CDK12: variants seen among roughly 807,000 people sequenced by gnomAD.
CDK12 encodes the protein cyclin-dependent kinase 12.
In CDK12, 17 loss-of-function variants were observed where a neutral mutation model predicts 133.8. The observed-to-expected ratio is 0.13, with a 90% confidence interval of 0.09 to 0.19. The LOEUF (loss-of-function observed/expected upper bound fraction) is 0.19, where lower values mean the gene tolerates loss of function less well. Ranked by LOEUF, CDK12 falls within the 10% of genes least tolerant of loss-of-function variation. The pLI, the probability that CDK12 is intolerant of heterozygous loss-of-function variation, is 1.00. For missense variants in CDK12, 1,508 were observed against 1,818.7 expected, an observed-to-expected ratio of 0.83 and a Z score of 3.11; for synonymous variants, 694 against 683.6, an observed-to-expected ratio of 1.02 and a Z score of -0.24.
At chr17:39,522,926 G>A (rs2054270506) in intron 11 of CDK12, among the ~76,000 whole-genome samples, 1 of 151,784 alleles carries the variant, frequency 6.6e-6, no homozygotes, top group African/African-American at 2.4e-5. Context: ...GGTGGTGTAT[G>A]CTTGTAGTCC....
intron 1 of CDK12, among the ~76,000 whole-genome samples, chr17:39,466,615 G>GAAAAAAAAAAAA (rs71147339): frequency 9.5e-5 from 3 of 31,480 alleles, no homozygotes; most frequent in African/African-American, 9.9e-5. Flanking sequence ...AACTCTATCT[G>GAAAAAAAAAAAA]AAAAAAAAAA....
intron 6 of CDK12, among the ~76,000 whole-genome samples, chr17:39,507,295 T>C (rs894511833): frequency 6.6e-6 from 1 of 151,674 alleles, no homozygotes; most frequent in Non-Finnish European, 1.5e-5. Flanking sequence ...TCAGTAAAAG[T>C]GCTATCAGCG....
Position 39,532,501 on chromosome 17 carries a change from A to G in CDK12, c.*1185A>G, listed in dbSNP as rs150330877. The G allele has an allele frequency of 1.7e-5, 4 of 231,806 alleles. No homozygotes were observed. Among genetic ancestry groups the G allele is most frequent in the Admixed American group, 5.6e-5 (1 of 17,742 alleles). The allele number at this position is 231,806 out of a possible 1,614,324, so 14.4% of individuals were successfully genotyped here. ...AACCTTTCAAACAGAGCATTGTGAT[A>G]TTGTCAAAGAGAAAAACAAATCCTG... is the stretch of plus-strand genomic sequence containing the variant. On this transcript the variant is annotated 3_prime_UTR_variant, in exon 14 of 14. Coordinates refer to ENST00000447079, the MANE Select transcript of CDK12 (RefSeq NM_016507.4).
chr17:39,478,924 T>TATATCCATGTACCAGCTGCTCC (rs1355031510), intron 2 of CDK12, among the ~76,000 whole-genome samples: 2 of 152,178 alleles, frequency 1.3e-5, no homozygotes, highest in African/African-American at 2.4e-5. Flanking sequence ...TGTGTGCTGC[T>TATATCCATGTACCAGCTGCTCC]ATATCCATGT....
intron 5 of CDK12, among the ~76,000 whole-genome samples, chr17:39,496,045 G>A (rs2052084903): frequency 6.6e-6 from 1 of 151,776 alleles, no homozygotes; most frequent in African/African-American, 2.4e-5. Flanking sequence ...CCGGGTAGCT[G>A]GGATTACAGG....
downstream of CDK12, among the ~76,000 whole-genome samples, chr17:39,566,321 G>C (rs1190703801): frequency 6.6e-6 from 1 of 152,094 alleles, no homozygotes; most frequent in Admixed American, 6.5e-5. Context: ...GTTGGCAAGA[G>C]GGGTATGACT....
intron 6 of CDK12, 110 bp downstream of exon 6, chr17:39,501,549 C>T (rs1265642125): frequency 1.5e-6 from 1 of 675,964 alleles, no homozygotes; most frequent in African/African-American, 1.9e-5. Context: ...AGTATTCACA[C>T]ACTATTTAGT....
At chr17:39,510,546 A>G (rs2053434040) in intron 7 of CDK12, among the ~76,000 whole-genome samples, 1 of 152,088 alleles carries the variant, frequency 6.6e-6, no homozygotes, top group Non-Finnish European at 1.5e-5. Context: ...AAATTCTTGA[A>G]TCGTCCCTTG....
At chr17:39,553,351 A>G (rs1437513619) in intron 2 of CDK12, among the ~76,000 whole-genome samples, 1 of 151,992 alleles carries the variant, frequency 6.6e-6, no homozygotes, top group Non-Finnish European at 1.5e-5. Flanking sequence ...ACAGGGGTAG[A>G]TAGAGGTGGC....
intron 2 of CDK12, among the ~76,000 whole-genome samples, chr17:39,555,526 G>C (rs955252014): frequency 2.6e-5 from 4 of 151,882 alleles, no homozygotes; most frequent in Non-Finnish European, 5.9e-5. Context: ...GCTCTCCCGG[G>C]CAGTATCAGA....
intron 13 of CDK12, among the ~76,000 whole-genome samples, chr17:39,528,198 G>A (rs1284522700): frequency 6.6e-6 from 1 of 152,070 alleles, no homozygotes; most frequent in East Asian, 1.9e-4. Context: ...GGGATTACAG[G>A]TGTGAACCAC....
At chr17:39,475,070 A>G (rs2050091131) in intron 2 of CDK12, among the ~76,000 whole-genome samples, 1 of 151,680 alleles carries the variant, frequency 6.6e-6, no homozygotes, top group Non-Finnish European at 1.5e-5. Flanking sequence ...CCTGACCTTA[A>G]ATGATTCTCC....
At chr17:39,492,268 T>C (rs576997126) in intron 3 of CDK12, among the ~76,000 whole-genome samples, 1 of 150,170 alleles carries the variant, frequency 6.7e-6, no homozygotes, top group Non-Finnish European at 1.5e-5. Context: ...GGCTAATTTT[T>C]TGTATATTTA....
chr17:39,503,266 T>G (rs958177611), intron 6 of CDK12, among the ~76,000 whole-genome samples: 4 of 152,118 alleles, frequency 2.6e-5, no homozygotes, highest in African/African-American at 9.7e-5. Context: ...AGAGACGGGA[T>G]TTCACCATAT....
At chr17:39,558,168 C>T (rs2056232543) in intron 3 of CDK12, among the ~76,000 whole-genome samples, 1 of 152,112 alleles carries the variant, frequency 6.6e-6, no homozygotes, top group South Asian at 2.1e-4. Flanking sequence ...GTTTTCTACA[C>T]GATGTGGAGT....
intron 7 of CDK12, among the ~76,000 whole-genome samples, chr17:39,510,058 TC>T (rs2053386247): frequency 6.7e-6 from 1 of 149,624 alleles, no homozygotes; most frequent in African/African-American, 2.5e-5. Context: ...TGCCTCAGCC[TC>T]CCAAAGTGCC....
intron 12 of CDK12, among the ~76,000 whole-genome samples, 174 bp from the exon 13 acceptor site, chr17:39,525,690 C>T (rs553769175): frequency 1.3e-5 from 2 of 152,092 alleles, no homozygotes; most frequent in African/African-American, 4.8e-5. Flanking sequence ...ATTTCTTAAG[C>T]GAAAGCATAA....
intron 2 of CDK12, among the ~76,000 whole-genome samples, chr17:39,479,232 C>G (rs1181616094): frequency 6.7e-6 from 1 of 150,238 alleles, no homozygotes; most frequent in East Asian, 2.0e-4. Context: ...GGCATGAGCC[C>G]GGGAGGCGGA....
chr17:39,469,077 C>T (rs1055303046), intron 1 of CDK12, among the ~76,000 whole-genome samples: 3 of 152,128 alleles, frequency 2.0e-5, no homozygotes, highest in Non-Finnish European at 4.4e-5. Flanking sequence ...TCTGCTGCCT[C>T]GGCCTCCCGA....
Sources: gnomAD v4.1 joint callset for allele counts (sites outside exome capture counted in the v4.1 genomes callset) on GRCh38, gnomAD v4.1.1 for gene constraint, MANE v1.5 for transcripts, NCBI Gene and HGNC (gene_info 2026-07-23, HGNC 2026-07-21) for gene names.